Variants in PLXNA1 observed in about 807,000 individuals in gnomAD.
The protein encoded by PLXNA1 is plexin A1, also known as plexin-A1.
In PLXNA1, 77 loss-of-function variants were observed where a neutral mutation model predicts 191.7. The observed-to-expected ratio is 0.40, with a 90% CI of 0.33 to 0.49. The LOEUF is 0.49. Ranked by LOEUF, PLXNA1 falls within the 20% of genes least tolerant of loss-of-function variation. The pLI, the probability that PLXNA1 is intolerant of heterozygous loss-of-function variation, is 0.63. For missense variants in PLXNA1, 2,110 were observed against 2,660.2 expected (o/e 0.79, Z 4.55); for synonymous variants, 1,137 against 1,156.4 (o/e 0.98, Z 0.34).
At chr3:127,005,795 A>G (rs1463134120) in intron 7 of PLXNA1, among the ~76,000 whole-genome samples, 1 of 152,122 alleles carries the variant, frequency 6.6e-6, no homozygotes. Flanking sequence ...TCTGGCTGCC[A>G]CAGCCCGTTG....
intron 24 of PLXNA1, 40 bp downstream of exon 24, chr3:127,028,126 C>T (rs1206695472): frequency 6.2e-7 from 1 of 1,613,458 alleles, no homozygotes; most frequent in Non-Finnish European, 8.5e-7. Flanking sequence ...CCCTGGTGCC[C>T]CCCACCCCCC....
intron 23 of PLXNA1, among the ~76,000 whole-genome samples, chr3:127,024,977 C>A (rs760732934): frequency 6.6e-6 from 1 of 152,096 alleles, no homozygotes; most frequent in South Asian, 2.1e-4. Context: ...GTTTCCCATG[C>A]GCCCGCTGCT....
intron 3 of PLXNA1, among the ~76,000 whole-genome samples, chr3:126,994,764 G>A (rs2079007019): frequency 6.6e-6 from 1 of 152,114 alleles, no homozygotes. Context: ...CCAGAGCCAG[G>A]GTAAGGAGGG....
rs1037754584 is a variant in PLXNA1 at position 127,016,931 on chromosome 3, T to C, written c.3183-13T>C. On this transcript the variant is annotated splice_polypyrimidine_tract_variant and intron_variant, in intron 16 of 31. Transcript: ENST00000393409. The stretch of plus-strand genomic sequence containing the variant: ...CATCATTTGGTGACCCCCCCACCCC[T>C]GTCCTGTTCCAGCGGTGGGACCCTC... 10 of 1,609,238 alleles carry C rather than the reference T, an allele frequency of 6.2e-6. No individual in the cohort carries two copies. In the African/African-American group the frequency reaches 1.3e-4, roughly 21 times the overall value.
intron 3 of PLXNA1, 99 bp from the exon 4 acceptor site, chr3:127,003,231 G>A (rs2079049239): frequency 7.3e-7 from 1 of 1,366,996 alleles, no homozygotes; most frequent in Non-Finnish European, 9.8e-7. Context: ...TGTCTGGGCA[G>A]CTCAGGGAGG....
At chr3:126,990,932 C>A (rs2078987107) in intron 2 of PLXNA1, among the ~76,000 whole-genome samples, 1 of 152,280 alleles carries the variant, frequency 6.6e-6, no homozygotes, top group South Asian at 2.1e-4. Flanking sequence ...TGGGGACAGT[C>A]CCCACTGCCC....
At chr3:126,994,705 C>T (rs2079006811) in intron 3 of PLXNA1, among the ~76,000 whole-genome samples, 1 of 152,150 alleles carries the variant, frequency 6.6e-6, no homozygotes, top group African/African-American at 2.4e-5. Context: ...CTCGTCTCTC[C>T]TTGTCATGCT....
At chr3:127,001,561 G>A (rs1032934315) in intron 3 of PLXNA1, among the ~76,000 whole-genome samples, 6 of 144,316 alleles carry the variant, frequency 4.2e-5, no homozygotes, top group African/African-American at 9.8e-5. Flanking sequence ...GAGAGGAATC[G>A]TGGTCCCTAA....
intron 3 of PLXNA1, among the ~76,000 whole-genome samples, chr3:126,993,477 C>T (rs1411638682): frequency 3.9e-5 from 6 of 152,166 alleles, no homozygotes; most frequent in East Asian, 1.9e-4. Context: ...GTGGAGGCTG[C>T]GTCCTCATGG....
chr3:127,007,504 A>T (rs2079074718), intron 8 of PLXNA1, among the ~76,000 whole-genome samples: 1 of 152,164 alleles, frequency 6.6e-6, no homozygotes, highest in Non-Finnish European at 1.5e-5. Context: ...TCAGGTGGTG[A>T]TCAAGGCTCT....
chr3:127,012,100 C>A lies in PLXNA1; in HGVS notation c.2255C>A (p.Pro752Gln). ...TGCCTCTTCCACATCCCGGGCAGCC[C>A]GGCCCGTGTCACCGCCCTGCGCTTC... Reference protein sequence around the residue: ...YECLFHIPGSPARVTALRFNS... With the variant: ...YECLFHIPGSQARVTALRFNS... The change falls in exon 10 of 32, where the codon CCG (proline) becomes CAG (glutamine). Residue 752 changes from proline to glutamine, a missense_variant. Coordinates refer to ENST00000393409, the MANE Select transcript of PLXNA1 (RefSeq NM_032242.4). 1 of 1,613,484 alleles carries A rather than the reference C, an allele frequency of 6.2e-7. No individual in the cohort carries two copies. The highest frequency in any genetic ancestry group is 1.7e-4 in the Middle Eastern group (1 of 5,906).
At chr3:126,985,855 C>T (rs115056029) in intron 1 of PLXNA1, among the ~76,000 whole-genome samples, 4,038 of 152,312 alleles carry the variant, frequency 0.027, 84 homozygotes, top group Middle Eastern at 0.041. Context: ...AGAAGTGGCC[C>T]AAGCATTGTC....
At chr3:127,010,727 C>T (rs1431728265) in intron 9 of PLXNA1, among the ~76,000 whole-genome samples, 2 of 152,174 alleles carry the variant, frequency 1.3e-5, no homozygotes, top group South Asian at 2.1e-4. Flanking sequence ...TGAGACCTCA[C>T]GCCAGGTGAG....
chr3:127,008,950 A>G (rs961991851), intron 9 of PLXNA1, among the ~76,000 whole-genome samples: 4 of 152,084 alleles, frequency 2.6e-5, no homozygotes, highest in African/African-American at 7.2e-5. Context: ...AACAGTGGGT[A>G]TGCAGGAGCC....
intron 27 of PLXNA1, 84 bp from the exon 28 acceptor site, chr3:127,029,790 C>A: frequency 7.0e-7 from 1 of 1,434,770 alleles, no homozygotes; most frequent in Non-Finnish European, 9.3e-7. Flanking sequence ...GGGGTGCCAT[C>A]CCCAGCTTTC....
Position 127,018,379 on chromosome 3 carries a change from T to C in PLXNA1, c.3746T>C (p.Ile1249Thr), listed in dbSNP as rs762135921. The C allele has an allele frequency of 8.7e-6, 14 of 1,613,094 alleles. No homozygotes were observed. In the South Asian group the frequency reaches 1.4e-4, roughly 16 times the overall value. The change falls in exon 20 of 32, where the codon ATT becomes ACT. Residue 1249 changes from isoleucine (I) to threonine (T), a missense_variant. Ile to Thr is a moderately conservative substitution (Grantham distance 89). This residue lies in a region of PLXNA1 where 559 missense variants were observed against 911.5 expected (regional missense o/e 0.61). Coordinates refer to ENST00000393409, the MANE Select transcript of PLXNA1 (RefSeq NM_032242.4). ...CTGACGCTGCCTGCCATTGTGGGCA[T>C]TGGCGGAGGCGGGGGTCTCCTGCTG... is the stretch of plus-strand genomic sequence containing the variant. ...SLLTLPAIVGIGGGGGLLLLV... is the reference protein window; with the variant it reads ...SLLTLPAIVGTGGGGGLLLLV...
At position 126,989,248 on chromosome 3, in the gene PLXNA1, G is replaced by C. The variant is rs749036813; in HGVS notation, c.655G>C (p.Val219Leu). The change falls in exon 2 of 32, where the codon GTG becomes CTG. Residue 219 changes from valine (V) to leucine (L), a missense_variant. Transcript: ENST00000393409. The stretch of plus-strand genomic sequence containing the variant: ...GGAGGATGCCGACATGTTCGGCTTC[G>C]TGTACCAGGATGAGTTTGTGTCATC... ...NEEDADMFGF[V>L]YQDEFVSSQL... The C allele has an allele frequency of 6.2e-7, 1 of 1,613,660 alleles. No homozygotes were observed. The highest frequency in any genetic ancestry group is 8.5e-7 in the Non-Finnish European group (1 of 1,180,048).
chr3:127,013,216 C>T (rs2079103995), intron 10 of PLXNA1, among the ~76,000 whole-genome samples: 1 of 152,238 alleles, frequency 6.6e-6, no homozygotes, highest in Non-Finnish European at 1.5e-5. Context: ...CTATCACCAA[C>T]TCTTCGCCTG....
chr3:127,021,429 C>T (rs947508745), intron 21 of PLXNA1, among the ~76,000 whole-genome samples: 1 of 152,144 alleles, frequency 6.6e-6, no homozygotes, highest in Non-Finnish European at 1.5e-5. Flanking sequence ...AACATATTGC[C>T]CTGATAAACC....
Sources: gnomAD v4.1 joint callset for allele counts (sites outside exome capture counted in the v4.1 genomes callset) on GRCh38, gnomAD v4.1.1 for gene constraint, gnomAD v4.1.1 regional missense constraint, MANE v1.5 for transcripts, NCBI Gene and HGNC (gene_info 2026-07-23, HGNC 2026-07-21) for gene names.